The following KTN1 variants were observed in gnomAD, a reference collection of about 807,000 sequenced individuals.
The protein encoded by KTN1 is kinectin.
Under a neutral mutation model 222.5 loss-of-function variants are expected in KTN1, and 130 were observed. The ratio of observed to expected loss-of-function variants is 0.58; its 90% CI spans 0.51 to 0.68. KTN1 has a LOEUF of 0.68. Among genes scored for constraint, KTN1 ranks in the 30% least tolerant of loss-of-function variants. The pLI is 0.00. For synonymous variants in KTN1, 512 were observed against 496.3 expected (o/e 1.03, Z -0.42); for missense variants, 1,508 against 1,500.4 (o/e 1.01, Z -0.08).
In KTN1 at chr14:55,678,447, A is replaced by T; in HGVS notation, c.3948+3A>T. The T allele has an allele frequency of 6.3e-7, 1 of 1,579,460 alleles. No homozygotes were observed. The highest frequency in any genetic ancestry group is 8.7e-7 in the Non-Finnish European group (1 of 1,148,608). On this transcript the variant is annotated splice_donor_region_variant and intron_variant, in intron 42 of 43. Transcript: ENST00000395314. ...ATAGTGATGTTTCCCCAGAAACGGT[A>T]TGTATTTTCTTCATCCCCAGATCTC...
At chr14:55,632,914 A>G (rs1398200655) in intron 7 of KTN1, among the ~76,000 whole-genome samples, 1 of 152,202 alleles carries the variant, frequency 6.6e-6, no homozygotes, top group African/African-American at 2.4e-5. Context: ...TTAATTTTGT[A>G]TGAATCTATT....
intron 5 of KTN1, 67 bp downstream of exon 5, chr14:55,619,379 T>C (rs2038824748): frequency 1.0e-5 from 15 of 1,480,002 alleles, no homozygotes; most frequent in African/African-American, 4.2e-5. Flanking sequence ...AACAAGACTT[T>C]AGCCAGAGCA....
intron 41 of KTN1, among the ~76,000 whole-genome samples, chr14:55,677,976 G>A (rs1317608820): frequency 6.6e-6 from 1 of 152,186 alleles, no homozygotes; most frequent in African/African-American, 2.4e-5. Context: ...AGGATTACAG[G>A]CGTGAGCCAC....
At chr14:55,614,337 AT>A (rs1456414379) in intron 2 of KTN1, among the ~76,000 whole-genome samples, 1 of 152,328 alleles carries the variant, frequency 6.6e-6, no homozygotes, top group African/African-American at 2.4e-5. Context: ...GTTTTCTAAA[AT>A]TAAGATGTAG....
intron 28 of KTN1, among the ~76,000 whole-genome samples, 189 bp downstream of exon 28, chr14:55,653,785 A>T (rs1221240473): frequency 5.3e-5 from 8 of 152,176 alleles, no homozygotes; most frequent in Non-Finnish European, 1.2e-4. Flanking sequence ...GCTTTCAGAT[A>T]CCTGGAGACT....
intron 43 of KTN1, chr14:55,680,279 A>G (rs188155133): frequency 9.1e-5 from 15 of 165,682 alleles, no homozygotes; most frequent in East Asian, 5.0e-4. Flanking sequence ...TTTATTGTCT[A>G]TATTACCTTG....
chr14:55,640,310 A>G (rs1415293634), intron 14 of KTN1, 64 bp from the exon 15 acceptor site: 1 of 1,123,744 alleles, frequency 8.9e-7, no homozygotes, highest in Non-Finnish European at 1.3e-6. Flanking sequence ...TGTAGAAAAG[A>G]TGCTTTACAA....
intron 25 of KTN1, 79 bp from the exon 26 acceptor site, chr14:55,652,771 C>G (rs1424432478): frequency 4.3e-6 from 4 of 926,910 alleles, no homozygotes; most frequent in African/African-American, 3.4e-5. Flanking sequence ...CCAAAATATA[C>G]TTTTTTCAGT....
intron 29 of KTN1, among the ~76,000 whole-genome samples, chr14:55,658,152 G>A (rs941530334): frequency 7.2e-5 from 11 of 152,028 alleles, no homozygotes; most frequent in East Asian, 1.9e-4. Context: ...TGGGGCAGGC[G>A]GGCTGGGGCA....
At chr14:55,683,315 A>G (rs555993700) in intron 43 of KTN1, 2 of 152,270 alleles carry the variant, frequency 1.3e-5, no homozygotes, top group African/African-American at 4.8e-5. Flanking sequence ...GAATAGTACA[A>G]CACCCGTAAA....
intron 33 of KTN1, among the ~76,000 whole-genome samples, chr14:55,666,443 G>T (rs1331467139): frequency 6.6e-6 from 1 of 151,564 alleles, no homozygotes; most frequent in Non-Finnish European, 1.5e-5. Context: ...TCTTGTGGAG[G>T]TAGTTGAAAT....
chr14:55,663,793 C>G, intron 32 of KTN1, 162 bp from the exon 33 acceptor site: 1 of 561,820 alleles, frequency 1.8e-6, no homozygotes, highest in Non-Finnish European at 3.2e-6. Context: ...ATTCAAACTT[C>G]TAAACATTGC....
intron 1 of KTN1, among the ~76,000 whole-genome samples, chr14:55,585,938 C>T (rs2032891490): frequency 6.6e-6 from 1 of 152,134 alleles, no homozygotes; most frequent in African/African-American, 2.4e-5. Flanking sequence ...GTAACATCTA[C>T]AATTAGTTTT....
At position 55,623,076 on chromosome 14, in the gene KTN1, A is replaced by C. The variant is rs1469778995; in HGVS notation, c.963+3764A>C. On this transcript the variant is annotated intron_variant, in intron 5 of 43. Transcript: ENST00000395314. ...CTTCCTCCTTCAAGTCTCCACTTAAATGTCATTTTCTCATATAAGGCTAAC... is the reference window on the plus strand; with the variant it reads ...CTTCCTCCTTCAAGTCTCCACTTAACTGTCATTTTCTCATATAAGGCTAAC... Among the ~76,000 whole-genome samples the C allele has an allele frequency of 2.0e-5, 3 of 152,186 alleles. No individual in the cohort carries two copies. The South Asian group carries it at 6.2e-4, about 32-fold the overall frequency.
intron 1 of KTN1, among the ~76,000 whole-genome samples, chr14:55,585,937 A>G (rs900100548): frequency 6.6e-6 from 1 of 152,204 alleles, no homozygotes; most frequent in Non-Finnish European, 1.5e-5. Context: ...AGTAACATCT[A>G]CAATTAGTTT....
intron 3 of KTN1, 101 bp from the exon 4 acceptor site, chr14:55,617,863 A>G: frequency 1.1e-6 from 1 of 871,978 alleles, no homozygotes; most frequent in South Asian, 2.0e-5. Context: ...CTACCAGTAA[A>G]TGTTTCAAAA....
rs142150523 is a variant in KTN1 at position 55,679,937 on chromosome 14, G to A, written c.4069+252G>A. On this transcript the variant is annotated intron_variant, in intron 43 of 43. Coordinates refer to ENST00000395314, the MANE Select transcript of KTN1 (RefSeq NM_001079521.2). The stretch of plus-strand genomic sequence containing the variant: ...ATCAAACAGACTCTCTTGTAACTTG[G>A]CTGCCTGGGTTTTTGTGTGTTGCCT... 1.4e-4 allele frequency: 60 copies of A among 425,748 alleles called. No homozygotes were observed. The East Asian group carries it at 2.7e-3, about 19-fold the overall frequency. 26.4% of individuals were successfully genotyped at this position (425,748 alleles called of 1,614,324 possible). A position where few individuals can be genotyped will look rare whatever the true frequency, so the allele number is the denominator to read the frequency against.
intron 5 of KTN1, among the ~76,000 whole-genome samples, chr14:55,626,867 T>G (rs960537665): frequency 7.7e-5 from 7 of 91,204 alleles, no homozygotes; most frequent in Non-Finnish European, 1.1e-4. Context: ...TATCTGCAAC[T>G]TTTTTTTTCT....
At chr14:55,674,669 G>C (rs1051482820) in intron 40 of KTN1, 2 of 152,172 alleles carry the variant, frequency 1.3e-5, no homozygotes. Flanking sequence ...TTGGTGCTTA[G>C]TGGCTGACTC....
Sources: gnomAD v4.1 joint callset for allele counts (sites outside exome capture counted in the v4.1 genomes callset) on GRCh38, gnomAD v4.1.1 for gene constraint, MANE v1.5 for transcripts, NCBI Gene and HGNC (gene_info 2026-07-23, HGNC 2026-07-21) for gene names.